NUP205: variants seen among roughly 807,000 people sequenced by gnomAD.
The protein encoded by NUP205 is nuclear pore complex protein Nup205.
NUP205 carries 76 observed loss-of-function variants against 253.8 expected under a neutral mutation model. That is an observed-to-expected ratio of 0.30 (90% CI 0.25 to 0.36). The LOEUF (loss-of-function observed/expected upper bound fraction) is 0.36, where lower values mean the gene tolerates loss of function less well. Among genes scored for constraint, NUP205 ranks in the 10% least tolerant of loss-of-function variants. The pLI is 1.00. For synonymous variants in NUP205, 832 were observed against 850.1 expected (o/e 0.98, Z 0.37); for missense variants, 2,162 against 2,425.5 (o/e 0.89, Z 2.28).
At position 135,584,878 on chromosome 7, in the gene NUP205, A is replaced by G; in HGVS notation, c.1089A>G (p.Ala363=). 1 of 1,614,026 alleles carries G rather than the reference A, an allele frequency of 6.2e-7. No homozygotes were observed. The highest frequency in any genetic ancestry group is 8.5e-7 in the Non-Finnish European group (1 of 1,179,906). The change falls in exon 8 of 43, where the codon GCA becomes GCG. Residue 363 remains alanine (A), a synonymous_variant. Transcript: ENST00000285968. ...CAGATGAAGCAATGGCAGAACTCGC[A>G]ATTGCTGACAACGTTTTCCTGTTCC... The part of the protein sequence containing the change: ...TEADEAMAEL[A]IADNVFLFLM...
At position 135,591,543 on chromosome 7, in the gene NUP205, G is replaced by A. The variant is rs1166113657; in HGVS notation, c.1567G>A (p.Gly523Arg). ...GAAGATGCTCCAGGGATTGGCCAAT[G>A]GGCCTCAGTGTGCCCACTACTGTTT... Reference protein sequence around the residue: ...YLKMLQGLANGPQCAHYCFSL... With the variant: ...YLKMLQGLANRPQCAHYCFSL... Residue 523 changes from glycine to arginine, a missense_variant, in exon 11 of 43, where the codon GGG becomes AGG. Coordinates refer to ENST00000285968, the MANE Select transcript of NUP205 (RefSeq NM_015135.3). The A allele has an allele frequency of 6.2e-7, 1 of 1,613,924 alleles. No homozygotes were observed.
intron 31 of NUP205, among the ~76,000 whole-genome samples, chr7:135,624,544 T>A (rs1794542689): frequency 6.6e-6 from 1 of 151,966 alleles, no homozygotes; most frequent in African/African-American, 2.4e-5. Context: ...CCCAGCTAAT[T>A]TTTTTTGTAT....
rs561594267 is a variant in NUP205 at position 135,610,144 on chromosome 7, A to G, written c.3195+2773A>G. Among the ~76,000 whole-genome samples, 15 of 152,314 alleles carry G rather than the reference A, an allele frequency of 9.8e-5. No homozygotes were observed. The South Asian group carries it at 2.9e-3, about 29-fold the overall frequency. On this transcript the variant is annotated intron_variant, in intron 22 of 42. Transcript: ENST00000285968. ...TCTGAATTTTTGTTAAAGTTGTTCT[A>G]ACTTTTAGAACACTCTACTAGCCAA... is the stretch of plus-strand genomic sequence containing the variant.
At chr7:135,636,660 T>C (rs993084367) in intron 36 of NUP205, among the ~76,000 whole-genome samples, 2 of 152,174 alleles carry the variant, frequency 1.3e-5, no homozygotes, top group African/African-American at 4.8e-5. Flanking sequence ...GATAGAACTA[T>C]TTTGGCAAAA....
In NUP205 at chr7:135,559,466, G is replaced by T. The variant is rs933874004; in HGVS notation, c.28+1494G>T. Among the ~76,000 whole-genome samples the T allele has an allele frequency of 1.6e-4, 25 of 152,054 alleles. 1 individual carries two copies. The highest frequency in any genetic ancestry group is 5.8e-4 in the African/African-American group (24 of 41,400). Reference sequence around the variant, plus strand: ...GCTCGCTGCAACCTCTGCCTCCCAGGTTGAAGCAATTCTCCTGCCTCAGCC... The same window carrying T: ...GCTCGCTGCAACCTCTGCCTCCCAGTTTGAAGCAATTCTCCTGCCTCAGCC... On this transcript the variant is annotated intron_variant, in intron 1 of 42. Transcript: ENST00000285968.
intron 24 of NUP205, 41 bp from the exon 25 acceptor site, chr7:135,616,614 G>T: frequency 8.4e-7 from 1 of 1,187,908 alleles, no homozygotes; most frequent in East Asian, 2.5e-5. Context: ...TTAAGAGTAT[G>T]TTCTTCTTTT....
At chr7:135,607,223 G>A in intron 21 of NUP205, 24 bp from the exon 22 acceptor site, 6 of 1,593,748 alleles carry the variant, frequency 3.8e-6, no homozygotes, top group Non-Finnish European at 5.1e-6. Flanking sequence ...AAGAAAAGTT[G>A]AATTTCTTTT....
intron 18 of NUP205, 110 bp downstream of exon 18, chr7:135,603,104 T>A: frequency 1.3e-4 from 81 of 617,888 alleles, no homozygotes; most frequent in Non-Finnish European, 2.0e-4. Flanking sequence ...TATTTTTGCC[T>A]CATTTTACTT....
At chr7:135,558,148 C>CCG (rs1365133720) in intron 1 of NUP205, 176 bp downstream of exon 1, 1 of 653,326 alleles carries the variant, frequency 1.5e-6, no homozygotes, top group East Asian at 2.8e-5. Flanking sequence ...CGCGTCGGTG[C>CCG]TGCGGCTCCA....
chr7:135,618,557 A>G lies in NUP205; in HGVS notation c.3917A>G (p.Asp1306Gly), dbSNP rs768322870. ...ACPQDLIQAE[D>G]RQLIIRDILQ... is the part of the protein sequence containing the mutation. ...CCCCAGGACCTCATTCAGGCAGAGG[A>G]TCGACAACTGATTATTCGTGATATT... The change falls in exon 28 of 43, where the codon GAT becomes GGT. Residue 1306 changes from aspartate to glycine, a missense_variant. Physicochemically the swap from Asp to Gly is moderately conservative, Grantham distance 94 (BLOSUM62 -1). This residue lies in a region of NUP205 where 1,144 missense variants were observed against 1,280.9 expected (regional missense o/e 0.89). Coordinates refer to ENST00000285968, the MANE Select transcript of NUP205 (RefSeq NM_015135.3). 1.2e-6 allele frequency: 2 copies of G among 1,612,290 alleles called. No homozygotes were observed. The highest frequency in any genetic ancestry group is 1.1e-5 in the South Asian group (1 of 90,708).
chr7:135,586,418 C>T (rs1161972945), intron 8 of NUP205, among the ~76,000 whole-genome samples: 1 of 151,954 alleles, frequency 6.6e-6, no homozygotes, highest in African/African-American at 2.4e-5. Context: ...TTTGCTTCAC[C>T]ATTGTTGATT....
chr7:135,587,927 C>T lies in NUP205; in HGVS notation c.1408C>T (p.Leu470Phe). ...AGAATATTGGTGTCCCACAGAGCCT[C>T]TTCAGACTCCGACTATCATGGGCTC... is the stretch of plus-strand genomic sequence containing the variant. ...ALEYWCPTEPLQTPTIMGSYL... is the reference protein window; with the variant it reads ...ALEYWCPTEPFQTPTIMGSYL... Residue 470 changes from leucine to phenylalanine, a missense_variant, in exon 10 of 43, where the codon CTT becomes TTT. Transcript: ENST00000285968. 1 of 1,614,062 alleles carries T rather than the reference C, an allele frequency of 6.2e-7. No individual in the cohort carries two copies. The highest frequency in any genetic ancestry group is 8.5e-7 in the Non-Finnish European group (1 of 1,179,948).
At chr7:135,568,260 C>G (rs1304335004) in intron 1 of NUP205, among the ~76,000 whole-genome samples, 1 of 151,302 alleles carries the variant, frequency 6.6e-6, no homozygotes, top group African/African-American at 2.4e-5. Flanking sequence ...TTTAGTGGGC[C>G]CCTCACCAAA....
intron 7 of NUP205, among the ~76,000 whole-genome samples, chr7:135,583,919 G>A (rs1401448559): frequency 1.4e-5 from 2 of 147,424 alleles, no homozygotes; most frequent in South Asian, 2.1e-4. Context: ...GTGGCTTACC[G>A]CAACCTCCGC....
chr7:135,590,574 C>A (rs1272030948), intron 10 of NUP205, among the ~76,000 whole-genome samples: 1 of 149,740 alleles, frequency 6.7e-6, no homozygotes, highest in African/African-American at 2.5e-5. Context: ...GTCTCTGTTG[C>A]CAGGCTAGAG....
At chr7:135,602,008 C>T (rs1213516273) in intron 17 of NUP205, among the ~76,000 whole-genome samples, 1 of 152,090 alleles carries the variant, frequency 6.6e-6, no homozygotes, top group Admixed American at 6.6e-5. Context: ...TTCCATTTAA[C>T]AAATAAAGAA....
At chr7:135,570,746 TTA>T (rs1465550840) in intron 1 of NUP205, among the ~76,000 whole-genome samples, 6 of 91,536 alleles carry the variant, frequency 6.6e-5, no homozygotes, top group Admixed American at 1.5e-4. Context: ...TATTAATATA[TTA>T]ATTATATTTA....
At chr7:135,637,779 A>C (rs1393289735) in intron 36 of NUP205, 152 bp from the exon 37 acceptor site, 2 of 579,938 alleles carry the variant, frequency 3.4e-6, no homozygotes, top group African/African-American at 3.9e-5. Flanking sequence ...GAATTTTAAT[A>C]ATGCTACTTT....
chr7:135,558,694 T>A (rs779510791), intron 1 of NUP205, among the ~76,000 whole-genome samples: 6 of 152,188 alleles, frequency 3.9e-5, no homozygotes, highest in Non-Finnish European at 8.8e-5. Flanking sequence ...TCATATTTCC[T>A]GGGGTACACT....
Sources: gnomAD v4.1 joint callset for allele counts (sites outside exome capture counted in the v4.1 genomes callset) on GRCh38, gnomAD v4.1.1 for gene constraint, gnomAD v4.1.1 regional missense constraint, MANE v1.5 for transcripts, NCBI Gene and HGNC (gene_info 2026-07-23, HGNC 2026-07-21) for gene names.